The following ASIC2 variants were observed in gnomAD, a reference collection of about 807,000 sequenced individuals.
The protein encoded by ASIC2 is acid sensing ion channel subunit 2, also known as acid-sensing ion channel 2.
In ASIC2, 25 loss-of-function variants were observed where a neutral mutation model predicts 57.3. The observed-to-expected ratio is 0.44, with a 90% CI of 0.32 to 0.61. ASIC2 has a LOEUF of 0.61. Ranked by LOEUF, ASIC2 falls within the 20% of genes least tolerant of loss-of-function variation. The pLI is 0.06. For missense variants in ASIC2, 641 were observed against 738.1 expected, an observed-to-expected ratio of 0.87 and a Z score of 1.52; for synonymous variants, 319 against 307.5, an observed-to-expected ratio of 1.04 and a Z score of -0.39.
chr17:33,834,214 CATT>C (rs67658918), intron 1 of ASIC2: 10,563 of 152,278 alleles, frequency 0.069, 519 homozygotes, highest in East Asian at 0.25. Context: ...AGATGTCAAT[CATT>C]ATCTTTTGCT....
In ASIC2 at chr17:33,292,654, G is replaced by A. The variant is rs1905543312; in HGVS notation, c.-539C>T. Reference sequence around the variant, plus strand: ...CCCAGCGGTGCTGGGACACGGGAGAGAAGGCGCCAAGGAACGAGCGCCCCC... The same window carrying A: ...CCCAGCGGTGCTGGGACACGGGAGAAAAGGCGCCAAGGAACGAGCGCCCCC... On this transcript the variant is annotated 5_prime_UTR_variant, in exon 1 of 10. Transcript: ENST00000225823. The A allele has an allele frequency of 1.0e-6, 1 of 985,608 alleles. No individual in the cohort carries two copies. The highest frequency in any genetic ancestry group is 1.2e-6 in the Non-Finnish European group (1 of 830,168). 61.1% of individuals were successfully genotyped at this position (985,608 alleles called of 1,614,324 possible).
chr17:33,255,155 T>A (rs1001307923), intron 1 of ASIC2, among the ~76,000 whole-genome samples: 13 of 148,706 alleles, frequency 8.7e-5, no homozygotes, highest in Non-Finnish European at 1.6e-4. Context: ...TTCTCCTGCC[T>A]CAGCCTCCCG....
chr17:33,184,510 T>G (rs1355360679), intron 1 of ASIC2, among the ~76,000 whole-genome samples: 1 of 152,076 alleles, frequency 6.6e-6, no homozygotes, highest in Non-Finnish European at 1.5e-5. Context: ...AGACTCTGGG[T>G]CCTCTGTGTC....
intron 3 of ASIC2, among the ~76,000 whole-genome samples, chr17:33,029,342 C>G (rs2091871683): frequency 6.6e-6 from 1 of 152,148 alleles, no homozygotes; most frequent in Admixed American, 6.5e-5. Flanking sequence ...GTTGGCTTTG[C>G]CTGTTCTCAA....
chr17:33,530,571 C>T (rs1039334229), intron 1 of ASIC2, among the ~76,000 whole-genome samples: 1 of 152,236 alleles, frequency 6.6e-6, no homozygotes, highest in Non-Finnish European at 1.5e-5. Context: ...GTCACCTTTG[C>T]TCAGGTCAGG....
chr17:34,062,090 G>A (rs903532850), intron 1 of ASIC2, among the ~76,000 whole-genome samples: 79 of 152,074 alleles, frequency 5.2e-4, no homozygotes, highest in African/African-American at 1.8e-3. Flanking sequence ...GACAGTGCAT[G>A]GAACTTTCTC....
intron 1 of ASIC2, among the ~76,000 whole-genome samples, chr17:33,437,131 C>T (rs1010648871): frequency 1.3e-5 from 2 of 151,904 alleles, no homozygotes; most frequent in Non-Finnish European, 2.9e-5. Flanking sequence ...TCCCAAAGTG[C>T]TGGGATTACA....
At chr17:34,078,686 T>C (rs1909762484) in intron 1 of ASIC2, among the ~76,000 whole-genome samples, 1 of 152,162 alleles carries the variant, frequency 6.6e-6, no homozygotes, top group Non-Finnish European at 1.5e-5. Context: ...CAGCACTTTC[T>C]GTGTTTCTCA....
intron 1 of ASIC2, among the ~76,000 whole-genome samples, chr17:33,847,580 T>C (rs982946825): frequency 6.6e-6 from 1 of 152,204 alleles, no homozygotes; most frequent in African/African-American, 2.4e-5. Flanking sequence ...CCAGACAGGA[T>C]ACTACTGTGC....
chr17:33,642,803 A>G (rs1906618459), intron 1 of ASIC2, among the ~76,000 whole-genome samples: 1 of 152,160 alleles, frequency 6.6e-6, no homozygotes, highest in Non-Finnish European at 1.5e-5. Context: ...AGCACCTCCT[A>G]GTTGCATCTT....
intron 1 of ASIC2, among the ~76,000 whole-genome samples, chr17:33,471,219 C>T (rs1411290721): frequency 2.0e-5 from 3 of 152,172 alleles, no homozygotes; most frequent in East Asian, 1.9e-4. Flanking sequence ...AATTTGTGAT[C>T]GTTAGTGTGA....
At chr17:33,736,619 A>T (rs1909919433) in intron 1 of ASIC2, among the ~76,000 whole-genome samples, 2 of 152,224 alleles carry the variant, frequency 1.3e-5, no homozygotes, top group African/African-American at 4.8e-5. Context: ...TTTCAATTAC[A>T]AAAGCAATAT....
intron 1 of ASIC2, among the ~76,000 whole-genome samples, chr17:33,768,684 C>T (rs780707282): frequency 6.6e-5 from 10 of 152,168 alleles, no homozygotes; most frequent in South Asian, 4.1e-4. Flanking sequence ...TATTCCTATT[C>T]GCCTGATCTC....
chr17:33,355,425 C>CA (rs5820033), intron 1 of ASIC2, among the ~76,000 whole-genome samples: 26,717 of 150,570 alleles, frequency 0.18, 3,032 homozygotes, highest in East Asian at 0.49. Context: ...CCCATCTGAG[C>CA]AAAAAACAGT....
chr17:34,057,692 T>G (rs1908820103), intron 1 of ASIC2, among the ~76,000 whole-genome samples: 2 of 152,042 alleles, frequency 1.3e-5, no homozygotes, highest in Non-Finnish European at 2.9e-5. Context: ...GGTCAAGGAT[T>G]AGGACTGCGG....
At chr17:33,282,301 G>A (rs1355903500) in intron 1 of ASIC2, among the ~76,000 whole-genome samples, 1 of 152,200 alleles carries the variant, frequency 6.6e-6, no homozygotes, top group Non-Finnish European at 1.5e-5. Flanking sequence ...CGGCAAGGCT[G>A]TGTTCTTTCT....
At chr17:33,693,057 T>A (rs1908423903) in intron 1 of ASIC2, among the ~76,000 whole-genome samples, 1 of 152,228 alleles carries the variant, frequency 6.6e-6, no homozygotes, top group African/African-American at 2.4e-5. Flanking sequence ...CCTCAATGTT[T>A]ATCACATAAT....
chr17:33,658,826 C>G (rs553097730), intron 1 of ASIC2, among the ~76,000 whole-genome samples: 1 of 152,004 alleles, frequency 6.6e-6, no homozygotes, highest in African/African-American at 2.4e-5. Context: ...TGAAAACCCA[C>G]CTCTACCAAA....
At position 33,247,486 on chromosome 17, in the gene ASIC2, A is replaced by C. The variant is rs73982476; in HGVS notation, c.708+43922T>G. Among the ~76,000 whole-genome samples, 298 of 152,330 alleles carry C rather than the reference A, an allele frequency of 2.0e-3. 3 individuals are homozygous for C. Among genetic ancestry groups the C allele is most frequent in the African/African-American group, 6.7e-3 (279 of 41,572 alleles). ...AAACTTTGTGAATCCAAAAAGAAAA[A>C]AAAAGAAAACCACCTAAAATCGTCT... On this transcript the variant is annotated intron_variant, in intron 1 of 9. Coordinates refer to ENST00000225823, the MANE Select transcript of ASIC2 (RefSeq NM_183377.2).
Sources: gnomAD v4.1 joint callset for allele counts (sites outside exome capture counted in the v4.1 genomes callset) on GRCh38, gnomAD v4.1.1 for gene constraint, MANE v1.5 for transcripts, NCBI Gene and HGNC (gene_info 2026-07-23, HGNC 2026-07-21) for gene names.